DNAJB6: variants seen among roughly 807,000 people sequenced by gnomAD.
DNAJB6 encodes DnaJ heat shock protein family (Hsp40) member B6.
DNAJB6 carries 16 observed loss-of-function variants against 42.7 expected under a neutral mutation model. That is an observed-to-expected ratio of 0.37 (90% CI 0.25 to 0.57). DNAJB6 has a LOEUF of 0.57. Ranked by LOEUF, DNAJB6 falls within the 20% of genes least tolerant of loss-of-function variation. The pLI, the probability that DNAJB6 is intolerant of heterozygous loss-of-function variation, is 0.74. For missense variants in DNAJB6, 347 were observed against 416.8 expected (o/e 0.83, Z 1.46); for synonymous variants, 170 against 163.5 (o/e 1.04, Z -0.30).
intron 1 of DNAJB6, among the ~76,000 whole-genome samples, chr7:157,340,952 C>T (rs1361139409): frequency 2.0e-5 from 3 of 151,132 alleles, no homozygotes; most frequent in Non-Finnish European, 4.4e-5. Context: ...AGGCGTGACC[C>T]ACCGCACCTG....
chr7:157,393,531 C>G (rs1166918870), intron 8 of DNAJB6, among the ~76,000 whole-genome samples: 2 of 152,112 alleles, frequency 1.3e-5, no homozygotes, highest in African/African-American at 2.4e-5. Context: ...GTTTTAGATT[C>G]TGTAGAGAGG....
chr7:157,353,702 T>G (rs969396288), intron 1 of DNAJB6, among the ~76,000 whole-genome samples: 3 of 151,966 alleles, frequency 2.0e-5, no homozygotes, highest in African/African-American at 7.3e-5. Flanking sequence ...TTCTGTTGCC[T>G]GTGCTGGAAT....
At chr7:157,415,844 C>T (rs1438625811) in intron 9 of DNAJB6, among the ~76,000 whole-genome samples, 172 bp from the exon 10 acceptor site, 1 of 152,244 alleles carries the variant, frequency 6.6e-6, no homozygotes, top group Non-Finnish European at 1.5e-5. Context: ...GAGCAGTTCT[C>T]AACGTGCACC....
At chr7:157,342,620 C>G (rs1294993580) in intron 1 of DNAJB6, among the ~76,000 whole-genome samples, 1 of 152,128 alleles carries the variant, frequency 6.6e-6, no homozygotes, top group African/African-American at 2.4e-5. Flanking sequence ...GCGTGCTGGC[C>G]TAACTTCTAT....
chr7:157,388,713 C>A (rs918665188), intron 8 of DNAJB6, among the ~76,000 whole-genome samples: 3 of 152,036 alleles, frequency 2.0e-5, no homozygotes, highest in African/African-American at 7.2e-5. Flanking sequence ...GCTGCTGTCA[C>A]CCAAGCAGTG....
chr7:157,398,716 T>TA (rs1488193083), intron 8 of DNAJB6, among the ~76,000 whole-genome samples: 1 of 152,196 alleles, frequency 6.6e-6, no homozygotes, highest in Non-Finnish European at 1.5e-5. Flanking sequence ...GTTCCCCCAA[T>TA]AAAAAGAAAC....
At chr7:157,357,244 T>G (rs576846463) in intron 1 of DNAJB6, among the ~76,000 whole-genome samples, 1 of 80,748 alleles carries the variant, frequency 1.2e-5, no homozygotes. Flanking sequence ...CCTTCCTTCC[T>G]TCCTTCCTTC....
intron 1 of DNAJB6, among the ~76,000 whole-genome samples, chr7:157,339,122 T>C (rs977022789): frequency 1.3e-5 from 2 of 152,122 alleles, no homozygotes; most frequent in South Asian, 4.1e-4. Context: ...GTGTGATACC[T>C]GTTACTGAGT....
chr7:157,387,362 G>A (rs573819722), intron 8 of DNAJB6, among the ~76,000 whole-genome samples: 11 of 152,262 alleles, frequency 7.2e-5, no homozygotes, highest in African/African-American at 1.9e-4. Flanking sequence ...TGGCACGTGC[G>A]GGAAAGCGGG....
At chr7:157,341,003 C>CGCGT (rs1563104935) in intron 1 of DNAJB6, among the ~76,000 whole-genome samples, 1 of 141,458 alleles carries the variant, frequency 7.1e-6, no homozygotes, top group Non-Finnish European at 1.6e-5. Flanking sequence ...TGTGTGCGCG[C>CGCGT]GCGCAGGTGG....
At chr7:157,345,952 C>G (rs1317587297) in intron 1 of DNAJB6, among the ~76,000 whole-genome samples, 2 of 151,942 alleles carry the variant, frequency 1.3e-5, no homozygotes, top group Non-Finnish European at 2.9e-5. Flanking sequence ...CCTGGCTGAG[C>G]TTCTGTAGGG....
intron 5 of DNAJB6, among the ~76,000 whole-genome samples, chr7:157,370,099 ACAGGCCCC>A (rs1800108779): frequency 6.7e-6 from 1 of 149,558 alleles, no homozygotes; most frequent in African/African-American, 2.5e-5. Flanking sequence ...TTATTATTAA[ACAGGCCCC>A]TTCTTAACAT....
chr7:157,389,170 TTC>T (rs1434661235), intron 8 of DNAJB6, among the ~76,000 whole-genome samples: 1 of 152,218 alleles, frequency 6.6e-6, no homozygotes, highest in Non-Finnish European at 1.5e-5. Context: ...CAATTTTAAT[TTC>T]TGTTTATTAA....
At chr7:157,359,326 G>A (rs1799461879) in intron 2 of DNAJB6, among the ~76,000 whole-genome samples, 1 of 152,200 alleles carries the variant, frequency 6.6e-6, no homozygotes, top group Non-Finnish European at 1.5e-5. Flanking sequence ...AGACTTAGTG[G>A]GTCTGAAGAT....
At chr7:157,357,102 C>T (rs1335903541) in intron 1 of DNAJB6, among the ~76,000 whole-genome samples, 2 of 147,396 alleles carry the variant, frequency 1.4e-5, no homozygotes. Flanking sequence ...AGTTTGAGAC[C>T]AAGATCAGCA....
intron 8 of DNAJB6, among the ~76,000 whole-genome samples, chr7:157,389,009 C>T (rs1801213870): frequency 6.6e-6 from 1 of 152,170 alleles, no homozygotes; most frequent in Non-Finnish European, 1.5e-5. Context: ...CATTCTTCCT[C>T]TTGGAAGTCC....
chr7:157,347,412 G>T (rs149440998), intron 1 of DNAJB6, among the ~76,000 whole-genome samples: 1 of 152,176 alleles, frequency 6.6e-6, no homozygotes, highest in Non-Finnish European at 1.5e-5. Context: ...TTGGTATGTT[G>T]CCCAGGTTGA....
chr7:157,391,936 C>T (rs932518009), intron 8 of DNAJB6, among the ~76,000 whole-genome samples: 1 of 151,682 alleles, frequency 6.6e-6, no homozygotes, highest in African/African-American at 2.4e-5. Flanking sequence ...AACCACGTCT[C>T]TACAAAAAAT....
intron 4 of DNAJB6, 40 bp downstream of exon 4, chr7:157,366,601 G>T: frequency 6.3e-7 from 1 of 1,578,990 alleles, no homozygotes; most frequent in South Asian, 1.1e-5. Flanking sequence ...AAAAGGTCTT[G>T]GCAAGTAAGT....
Sources: gnomAD v4.1 joint callset for allele counts (sites outside exome capture counted in the v4.1 genomes callset) on GRCh38, gnomAD v4.1.1 for gene constraint, MANE v1.5 for transcripts, NCBI Gene and HGNC (gene_info 2026-07-23, HGNC 2026-07-21) for gene names.